ZC3HAV1L: variants seen among roughly 807,000 people sequenced by gnomAD.
ZC3HAV1L encodes ZC3HAV1 like.
ZC3HAV1L carries 23 observed loss-of-function variants against 28.2 expected under a neutral mutation model. The ratio of observed to expected loss-of-function variants is 0.82; its 90% CI spans 0.59 to 1.16. The LOEUF (loss-of-function observed/expected upper bound fraction) is 1.16, where lower values mean the gene tolerates loss of function less well. ZC3HAV1L is among the 50% of genes most tolerant of loss of function. The pLI is 0.00. For synonymous variants in ZC3HAV1L, 180 were observed against 163.4 expected, an observed-to-expected ratio of 1.10 and a Z score of -0.78; for missense variants, 376 against 387.7, an observed-to-expected ratio of 0.97 and a Z score of 0.25.
Position 139,028,749 on chromosome 7 carries a change from A to G in ZC3HAV1L, c.713T>C (p.Ile238Thr), listed in dbSNP as rs1815432651. The G allele has an allele frequency of 5.6e-6, 9 of 1,613,948 alleles. No individual in the cohort carries two copies. Among genetic ancestry groups the G allele is most frequent in the Non-Finnish European group, 6.8e-6 (8 of 1,180,040 alleles). Residue 238 changes from isoleucine (I) to threonine (T), a missense_variant, in exon 3 of 5, where the codon ATC becomes ACC. Ile to Thr is a moderately conservative substitution (Grantham distance 89, BLOSUM62 -1). Coordinates refer to ENST00000275766, the MANE Select transcript of ZC3HAV1L (RefSeq NM_080660.4). ...NIPSVVNFQI[I>T]STYKHMKLHK... Reference sequence around the variant, plus strand: ...CAGCTTCATATGCTTGTAGGTGGAGATTATCTGAAAATTAACAACACTTGG... The same window carrying G: ...CAGCTTCATATGCTTGTAGGTGGAGGTTATCTGAAAATTAACAACACTTGG...
chr7:139,029,529 T>A (rs1584819446), intron 2 of ZC3HAV1L, among the ~76,000 whole-genome samples: 1 of 152,080 alleles, frequency 6.6e-6, no homozygotes, highest in African/African-American at 2.4e-5. Flanking sequence ...CTGCCCTCTG[T>A]CCCCAAAGCC....
intron 1 of ZC3HAV1L, chr7:139,035,363 G>A: frequency 3.0e-6 from 3 of 985,404 alleles, no homozygotes; most frequent in Non-Finnish European, 3.6e-6. Flanking sequence ...GTCCCAGTCC[G>A]GATTTAACCC....
chr7:139,026,778 G>C lies in ZC3HAV1L; in HGVS notation c.816C>G (p.His272Gln). The change falls in exon 4 of 5, where the codon CAC becomes CAG. Residue 272 changes from histidine (H) to glutamine (Q), a missense_variant. Coordinates refer to ENST00000275766, the MANE Select transcript of ZC3HAV1L (RefSeq NM_080660.4). ...HSQGLEKQGV[H>Q]AAGAAEAGPL... ...GACCAGCTTCTGCAGCTCCAGCTGC[G>C]TGCACTCCTTGCTTCTCAAGGCCTT... 6.2e-7 allele frequency: 1 copy of C among 1,614,140 alleles called. No homozygotes were observed. The highest frequency in any genetic ancestry group is 8.5e-7 in the Non-Finnish European group (1 of 1,180,032).
At chr7:139,028,995 G>C in intron 2 of ZC3HAV1L, 35 bp from the exon 3 acceptor site, 1 of 1,589,014 alleles carries the variant, frequency 6.3e-7, no homozygotes. Flanking sequence ...TGAAATATTA[G>C]TTTTTCTTTT....
At position 139,026,828 on chromosome 7, in the gene ZC3HAV1L, A is replaced by G. The variant is rs145566959; in HGVS notation, c.766T>C (p.Ser256Pro). 100 of 1,610,274 alleles carry G rather than the reference A, an allele frequency of 6.2e-5. No homozygotes were observed. Among genetic ancestry groups the G allele is most frequent in the Middle Eastern group, 3.3e-4 (2 of 6,072 alleles). ...TGTGAATGCTCAGTCGAAGGTGATGAATTATCTACAAAGAGGAAAGGGATA... is the reference window on the plus strand; with the variant it reads ...TGTGAATGCTCAGTCGAAGGTGATGGATTATCTACAAAGAGGAAAGGGATA... Reference protein sequence around the residue: ...LHKMLENTDNSSPSTEHSQGL... With the variant: ...LHKMLENTDNPSPSTEHSQGL... The change falls in exon 4 of 5, where the codon TCA becomes CCA. Residue 256 changes from serine (S) to proline (P), a missense_variant. Ser to Pro is a moderately conservative substitution (Grantham distance 74). Coordinates refer to ENST00000275766, the MANE Select transcript of ZC3HAV1L (RefSeq NM_080660.4).
rs1314930002 is a variant in ZC3HAV1L at position 139,025,903 on chromosome 7, C to G, written c.*641G>C. ...ATCCTAGCACTCTGGGAGGCTGAAGCAGGCAGATCGCTTGAGCCCAGGAGT... is the reference window on the plus strand; with the variant it reads ...ATCCTAGCACTCTGGGAGGCTGAAGGAGGCAGATCGCTTGAGCCCAGGAGT... On this transcript the variant is annotated 3_prime_UTR_variant, in exon 5 of 5. Coordinates refer to ENST00000275766, the MANE Select transcript of ZC3HAV1L (RefSeq NM_080660.4). 6.6e-6 allele frequency: 1 copy of G among 151,988 alleles called. No homozygotes were observed. Among genetic ancestry groups the G allele is most frequent in the Non-Finnish European group, 1.5e-5 (1 of 68,046 alleles). The allele number at this position is 151,988 out of a possible 1,614,324, so 9.4% of individuals were successfully genotyped here.
At chr7:139,022,542 C>A, downstream of ZC3HAV1L, 1 of 193,174 alleles carries the variant, frequency 5.2e-6, no homozygotes, top group South Asian at 7.5e-5. Flanking sequence ...GAGACCCTGT[C>A]TCAAAAAAAC....
intron 2 of ZC3HAV1L, among the ~76,000 whole-genome samples, chr7:139,033,195 T>C (rs1001257356): frequency 6.2e-5 from 7 of 113,386 alleles, no homozygotes; most frequent in Admixed American, 5.4e-4. Context: ...TAAGACCCTG[T>C]CTCAAAAAAA....
intron 3 of ZC3HAV1L, among the ~76,000 whole-genome samples, chr7:139,027,622 A>G (rs758033883): frequency 1.1e-4 from 16 of 152,222 alleles, no homozygotes; most frequent in Non-Finnish European, 1.9e-4. Context: ...GGCTGCAGTG[A>G]GTCATGACTG....
In ZC3HAV1L at chr7:139,035,754, C is replaced by A. The variant is rs1815691348; in HGVS notation, c.264G>T (p.Val88=). The change falls in exon 1 of 5, where the codon GTG becomes GTT. Residue 88 remains valine, a synonymous_variant. Transcript: ENST00000275766. ...CGCGCTGGTAGCGGGCGCAGAGGCG[C>A]ACAGAGGACACGGCCACCACCCTCC... ...SAWRVVAVSS[V]RLCARYQRGE... is the part of the protein sequence containing the mutation. 1 of 1,497,068 alleles carries A rather than the reference C, an allele frequency of 6.7e-7. No homozygotes were observed. Among genetic ancestry groups the A allele is most frequent in the Non-Finnish European group, 8.8e-7 (1 of 1,131,836 alleles). 92.7% of individuals were successfully genotyped at this position (1,497,068 alleles called of 1,614,324 possible). A position where few individuals can be genotyped will look rare whatever the true frequency, so the allele number is the denominator to read the frequency against.
At chr7:139,022,929 CTT>C (rs1362572319), downstream of ZC3HAV1L, among the ~76,000 whole-genome samples, 2 of 152,122 alleles carry the variant, frequency 1.3e-5, no homozygotes, top group African/African-American at 4.8e-5. Context: ...AATACTAACA[CTT>C]TGGGAGGGCG....
intron 2 of ZC3HAV1L, among the ~76,000 whole-genome samples, chr7:139,029,489 GC>G (rs1197024201): frequency 2.0e-5 from 3 of 152,120 alleles, no homozygotes; most frequent in Non-Finnish European, 4.4e-5. Context: ...ACTCACAGCT[GC>G]CCCCTCTTAC....
chr7:139,034,857 A>G (rs1389267818), intron 1 of ZC3HAV1L, 179 bp from the exon 2 acceptor site: 1 of 984,544 alleles, frequency 1.0e-6, no homozygotes, highest in Non-Finnish European at 1.2e-6. Context: ...GGTTGAAGGA[A>G]CTCCTCTCCC....
chr7:139,032,825 ACAC>A (rs926972570), intron 2 of ZC3HAV1L, among the ~76,000 whole-genome samples: 3 of 152,234 alleles, frequency 2.0e-5, no homozygotes, highest in East Asian at 3.9e-4. Flanking sequence ...ATATATTAAA[ACAC>A]CACATTGTAC....
chr7:139,034,564 AT>A lies in ZC3HAV1L; in HGVS notation c.479del (p.Asn160MetfsTer39), dbSNP rs751240356. The A allele has an allele frequency of 1.9e-6, 3 of 1,614,226 alleles. No individual in the cohort carries two copies. Among genetic ancestry groups the A allele is most frequent in the Non-Finnish European group, 2.5e-6 (3 of 1,180,036 alleles). ...ENQLRILLLQ[N>X]DPCLLPEVCL... ...TCACCTCTGGTAAAAGACAGGGGTC[AT>A]TCTGCAAAAGCAGGATCCGAAGCTG... On this transcript the variant is annotated frameshift_variant, in exon 2 of 5. Transcript: ENST00000275766. LOFTEE classifies it high-confidence loss of function.
At chr7:139,035,411 C>T (rs1274440835) in intron 1 of ZC3HAV1L, 1 of 985,274 alleles carries the variant, frequency 1.0e-6, no homozygotes, top group Non-Finnish European at 1.2e-6. Flanking sequence ...CGGGCGGGGG[C>T]AGCAACTTTT....
At chr7:139,028,150 A>G (rs6953734) in intron 3 of ZC3HAV1L, among the ~76,000 whole-genome samples, 76,064 of 151,642 alleles carry the variant, frequency 0.5, 19,579 homozygotes, top group African/African-American at 0.54. Context: ...CAAGGCAGGC[A>G]GATCATGAGG....
In ZC3HAV1L at chr7:139,035,968, TG is replaced by T; in HGVS notation, c.49del (p.His17ThrfsTer7). Reference protein sequence around the residue: ...CSFLTKVLCAHGGRMFLKDLR... With the variant: ...CSFLTKVLCAXGGRMFLKDLR... ...GTCCTTCAGGAACATGCGGCCGCCG[TG>T]GGCGCACAGCACCTTGGTGAGGAAG... On this transcript the variant is annotated frameshift_variant, in exon 1 of 5. Coordinates refer to ENST00000275766, the MANE Select transcript of ZC3HAV1L (RefSeq NM_080660.4). LOFTEE classifies it high-confidence loss of function. The T allele has an allele frequency of 6.6e-7, 1 of 1,522,698 alleles. No homozygotes were observed. The highest frequency in any genetic ancestry group is 8.7e-7 in the Non-Finnish European group (1 of 1,143,300). The allele number at this position is 1,522,698 out of a possible 1,614,324, so 94.3% of individuals were successfully genotyped here. A position where few individuals can be genotyped will look rare whatever the true frequency, so the allele number is the denominator to read the frequency against.
chr7:139,026,598 T>C lies in ZC3HAV1L; in HGVS notation c.887-38A>G, dbSNP rs1456283592. The C allele has an allele frequency of 3.7e-6, 6 of 1,611,110 alleles. No homozygotes were observed. In the African/African-American group the frequency reaches 6.7e-5, roughly 18 times the overall value. ...TATTATTATGACCATTACAAATCTA[T>C]CATTAAATGAATGAATGGTTACAAA... is the stretch of plus-strand genomic sequence containing the variant. On this transcript the variant is annotated intron_variant, in intron 4 of 4. Transcript: ENST00000275766.
Sources: allele counts gnomAD v4.1 joint callset (sites outside exome capture counted in the v4.1 genomes callset), GRCh38; gene constraint gnomAD v4.1.1; transcripts MANE v1.5; gene names NCBI Gene and HGNC (gene_info 2026-07-23, HGNC 2026-07-21).